CSMD1: variants seen among roughly 807,000 people sequenced by gnomAD.
CSMD1 encodes the protein CUB and Sushi multiple domains 1.
Under a neutral mutation model 417.5 loss-of-function variants are expected in CSMD1, and 213 were observed. That is an observed-to-expected ratio of 0.51 (90% CI 0.46 to 0.57). The LOEUF (loss-of-function observed/expected upper bound fraction) is 0.57. Ranked by LOEUF, CSMD1 falls within the 20% of genes least tolerant of loss-of-function variation. The pLI, the probability that CSMD1 is intolerant of heterozygous loss-of-function variation, is 0.00. For missense variants in CSMD1, 6,923 were observed against 4,529.7 expected (o/e 1.53, Z -15.17); for synonymous variants, 2,862 against 1,736.8 (o/e 1.65, Z -16.11).
At chr8:4,028,680 G>C (rs920507356) in intron 4 of CSMD1, among the ~76,000 whole-genome samples, 2 of 152,092 alleles carry the variant, frequency 1.3e-5, no homozygotes, top group Non-Finnish European at 2.9e-5. Context: ...ACTATCTCTG[G>C]AACCTTTTGC....
At chr8:3,311,295 GC>G (rs1805324327) in intron 23 of CSMD1, among the ~76,000 whole-genome samples, 1 of 152,062 alleles carries the variant, frequency 6.6e-6, no homozygotes, top group Non-Finnish European at 1.5e-5. Flanking sequence ...TGTTGCCCAG[GC>G]TGGAATGCAG....
At chr8:4,216,542 A>T (rs1358609769) in intron 3 of CSMD1, among the ~76,000 whole-genome samples, 4 of 152,194 alleles carry the variant, frequency 2.6e-5, no homozygotes, top group African/African-American at 9.6e-5. Context: ...TCTCAAGATC[A>T]AAGAACCCGG....
chr8:4,194,189 T>C (rs369596082), intron 3 of CSMD1, among the ~76,000 whole-genome samples: 2 of 152,296 alleles, frequency 1.3e-5, no homozygotes, highest in African/African-American at 2.4e-5. Flanking sequence ...GTACATGTCA[T>C]ACCTGACACT....
intron 12 of CSMD1, among the ~76,000 whole-genome samples, chr8:3,456,755 G>A (rs1031753737): frequency 1.3e-5 from 2 of 152,064 alleles, no homozygotes; most frequent in African/African-American, 2.4e-5. Context: ...AGAAGTGGGA[G>A]GAAAGCCTGC....
At chr8:4,057,759 C>A (rs1311080385) in intron 3 of CSMD1, among the ~76,000 whole-genome samples, 1 of 152,026 alleles carries the variant, frequency 6.6e-6, no homozygotes, top group Non-Finnish European at 1.5e-5. Flanking sequence ...TATGGCTAGC[C>A]AGTTTTCCCA....
At chr8:3,912,164 A>G (rs895789008) in intron 5 of CSMD1, among the ~76,000 whole-genome samples, 3 of 152,148 alleles carry the variant, frequency 2.0e-5, no homozygotes, top group Non-Finnish European at 4.4e-5. Flanking sequence ...GGAACTTCAC[A>G]TTTCTCATGA....
chr8:4,263,266 A>C (rs1406740813), intron 3 of CSMD1, among the ~76,000 whole-genome samples: 1 of 152,200 alleles, frequency 6.6e-6, no homozygotes, highest in Non-Finnish European at 1.5e-5. Flanking sequence ...CTGAAAGGTT[A>C]GATTTCTTAA....
At chr8:4,002,649 T>G (rs960290930) in intron 4 of CSMD1, among the ~76,000 whole-genome samples, 3 of 152,202 alleles carry the variant, frequency 2.0e-5, no homozygotes, top group African/African-American at 7.2e-5. Flanking sequence ...CGCTAAAGGA[T>G]AAAAGCTTTG....
chr8:4,803,849 T>A (rs1370187129), intron 1 of CSMD1, among the ~76,000 whole-genome samples: 3 of 152,228 alleles, frequency 2.0e-5, no homozygotes, highest in Non-Finnish European at 2.9e-5. Context: ...TATGTGTGTG[T>A]TACATATTTT....
intron 25 of CSMD1, among the ~76,000 whole-genome samples, chr8:3,292,888 T>G (rs2117288365): frequency 6.6e-6 from 1 of 152,232 alleles, no homozygotes; most frequent in South Asian, 2.1e-4. Context: ...GCTGGTTATT[T>G]TGCTCGTTAG....
chr8:4,140,663 G>T (rs1714807), intron 3 of CSMD1, among the ~76,000 whole-genome samples: 29,332 of 150,198 alleles, frequency 0.2, 3,487 homozygotes, highest in East Asian at 0.31. Flanking sequence ...GCAAGACCCT[G>T]TCTCAATTAA....
intron 2 of CSMD1, among the ~76,000 whole-genome samples, chr8:4,550,608 T>C (rs1429879840): frequency 2.0e-5 from 3 of 152,176 alleles, no homozygotes. Flanking sequence ...GATTTTTAAA[T>C]AGGTAATGAA....
At chr8:3,624,281 C>A (rs1267396434) in intron 7 of CSMD1, among the ~76,000 whole-genome samples, 1 of 152,114 alleles carries the variant, frequency 6.6e-6, no homozygotes, top group Non-Finnish European at 1.5e-5. Flanking sequence ...TTTCCTTCAG[C>A]TAAGAGGAAA....
At chr8:4,627,467 A>C (rs1802184932) in intron 2 of CSMD1, among the ~76,000 whole-genome samples, 1 of 152,206 alleles carries the variant, frequency 6.6e-6, no homozygotes, top group Non-Finnish European at 1.5e-5. Context: ...GAAGTAAATT[A>C]ACAATTTTAC....
At chr8:4,565,684 G>A (rs1034127325) in intron 2 of CSMD1, among the ~76,000 whole-genome samples, 3 of 149,412 alleles carry the variant, frequency 2.0e-5, no homozygotes, top group Admixed American at 6.7e-5. Flanking sequence ...GCAGTGAGCT[G>A]GGATTGTGCC....
intron 37 of CSMD1, among the ~76,000 whole-genome samples, chr8:3,167,797 A>G (rs1313548759): frequency 1.3e-5 from 2 of 152,190 alleles, no homozygotes; most frequent in Non-Finnish European, 2.9e-5. Context: ...TCAGAATATA[A>G]CAATCAGCCT....
intron 26 of CSMD1, among the ~76,000 whole-genome samples, chr8:3,276,749 G>A (rs1433594712): frequency 1.3e-5 from 2 of 152,148 alleles, no homozygotes; most frequent in African/African-American, 4.8e-5. Context: ...GTTTACAGTA[G>A]ATGAAGAGGT....
At chr8:3,730,863 TAA>T in intron 6 of CSMD1, among the ~76,000 whole-genome samples, 1 of 152,296 alleles carries the variant, frequency 6.6e-6, no homozygotes, top group Admixed American at 6.5e-5. Flanking sequence ...CTAGAGGTGA[TAA>T]GAGAGAGTGC....
intron 25 of CSMD1, among the ~76,000 whole-genome samples, chr8:3,304,902 G>T (rs1303485207): frequency 5.3e-5 from 8 of 152,006 alleles, no homozygotes; most frequent in Non-Finnish European, 1.0e-4. Flanking sequence ...TCTTCTAAAA[G>T]AAGATAAATT....
Sources: gnomAD v4.1 joint callset for allele counts (sites outside exome capture counted in the v4.1 genomes callset) on GRCh38, gnomAD v4.1.1 for gene constraint, MANE v1.5 for transcripts, NCBI Gene and HGNC (gene_info 2026-07-23, HGNC 2026-07-21) for gene names.